The following DISC1 variants were observed in gnomAD, a reference collection of about 807,000 sequenced individuals.
The protein encoded by DISC1 is DISC1 scaffold protein, also known as disrupted in schizophrenia 1 protein.
A neutral mutation model predicts 84.5 loss-of-function variants in DISC1; 57 were observed. The observed-to-expected ratio is 0.67, with a 90% CI of 0.55 to 0.84. DISC1 has a LOEUF of 0.84. DISC1 is among the 40% of genes least tolerant of loss of function. The probability of loss-of-function intolerance (pLI) is 0.00; values close to 1 mark genes in which losing one functional copy is unlikely to be tolerated. For missense variants in DISC1, 1,000 were observed against 1,057.8 expected (o/e 0.95, Z 0.76); for synonymous variants, 411 against 415.2 (o/e 0.99, Z 0.12).
chr1:231,709,739 A>T (rs548506645), intron 3 of DISC1, among the ~76,000 whole-genome samples: 1 of 152,178 alleles, frequency 6.6e-6, no homozygotes, highest in Admixed American at 6.5e-5. Context: ...CTTGTACATG[A>T]TTTCCTACTA....
rs759724151 is a variant in DISC1, at chr1:231,756,343, TCTGA to T, written c.1268+6269_1268+6272del. Among the ~76,000 whole-genome samples, 40 of 152,354 alleles carry T rather than the reference TCTGA, an allele frequency of 2.6e-4. 1 individual carries two copies. The highest frequency in any genetic ancestry group is 1.7e-3 in the South Asian group (8 of 4,832). On this transcript the variant is annotated intron_variant, in intron 4 of 12. Coordinates refer to ENST00000439617, the MANE Select transcript of DISC1 (RefSeq NM_018662.3). ...TCTGTTTTCTTGAATATCTGTTTAC[TCTGA>T]CAGATGATAAGCTCCTTGAGGACAA...
At chr1:231,973,395 G>A (rs2102832127) in intron 10 of DISC1, among the ~76,000 whole-genome samples, 1 of 152,310 alleles carries the variant, frequency 6.6e-6, no homozygotes, top group African/African-American at 2.4e-5. Context: ...TTAGAAGATG[G>A]CTACAACCTC....
chr1:231,941,422 C>T (rs2091332484), intron 9 of DISC1, among the ~76,000 whole-genome samples: 2 of 151,858 alleles, frequency 1.3e-5, no homozygotes, highest in South Asian at 2.1e-4. Flanking sequence ...CATAGATAAT[C>T]CAACAAACGT....
At chr1:231,741,121 A>G (rs761329707) in intron 3 of DISC1, among the ~76,000 whole-genome samples, 1 of 152,236 alleles carries the variant, frequency 6.6e-6, no homozygotes, top group South Asian at 2.1e-4. Context: ...ACAGAGAGTA[A>G]TTCATCCTTG....
intron 3 of DISC1, among the ~76,000 whole-genome samples, chr1:231,718,453 T>G (rs80253861): frequency 2.3e-4 from 28 of 121,676 alleles, no homozygotes; most frequent in African/African-American, 7.9e-4. Context: ...TTTTTTTTTT[T>G]GAGTTGCAGT....
intron 6 of DISC1, among the ~76,000 whole-genome samples, chr1:231,779,507 G>T (rs2077211305): frequency 6.8e-6 from 1 of 146,376 alleles, no homozygotes; most frequent in Non-Finnish European, 1.5e-5. Context: ...CATAGCTCCT[G>T]CTATAACCTG....
intron 9 of DISC1, among the ~76,000 whole-genome samples, chr1:231,860,750 C>T (rs749151477): frequency 6.6e-6 from 1 of 152,072 alleles, no homozygotes; most frequent in African/African-American, 2.4e-5. Context: ...TTTTTGTTAT[C>T]TTTTTGCACT....
At chr1:231,807,103 T>C (rs1026649054) in intron 8 of DISC1, among the ~76,000 whole-genome samples, 1 of 152,356 alleles carries the variant, frequency 6.6e-6, no homozygotes, top group African/African-American at 2.4e-5. Flanking sequence ...TTCCCGTGTC[T>C]AAGACTTAGC....
intron 10 of DISC1, among the ~76,000 whole-genome samples, chr1:231,964,926 A>G (rs1309088062): frequency 1.3e-5 from 2 of 152,234 alleles, no homozygotes; most frequent in Non-Finnish European, 2.9e-5. Flanking sequence ...CTCCTTTTCC[A>G]TTAGAATGCT....
rs6674755 is a variant in DISC1, at chr1:231,823,814, C to T, written c.1981+5297C>T. On this transcript the variant is annotated intron_variant, in intron 9 of 12. Transcript: ENST00000439617. Reference sequence around the variant, plus strand: ...GAAAAAAACATGTTGGGGATCCCTTCAAAGCAGGAGGGACTGTGCACAGGA... The same window carrying T: ...GAAAAAAACATGTTGGGGATCCCTTTAAAGCAGGAGGGACTGTGCACAGGA... Among the ~76,000 whole-genome samples the T allele has an allele frequency of 5.0e-3, 764 of 152,102 alleles. 11 individuals are homozygous for T. Among genetic ancestry groups the T allele is most frequent in the African/African-American group, 0.018 (734 of 41,486 alleles).
At chr1:231,838,917 G>A (rs983839900) in intron 9 of DISC1, among the ~76,000 whole-genome samples, 1 of 152,212 alleles carries the variant, frequency 6.6e-6, no homozygotes, top group African/African-American at 2.4e-5. Flanking sequence ...ACTGGGGAGT[G>A]GAAGGGTGAC....
intron 9 of DISC1, among the ~76,000 whole-genome samples, chr1:231,922,921 A>G (rs140088070): frequency 6.6e-6 from 1 of 152,308 alleles, no homozygotes; most frequent in African/African-American, 2.4e-5. Flanking sequence ...CCAACTTGAG[A>G]AAATGCAATA....
chr1:231,918,173 C>G (rs553903373), intron 9 of DISC1, among the ~76,000 whole-genome samples: 5 of 152,342 alleles, frequency 3.3e-5, no homozygotes, highest in African/African-American at 1.2e-4. Flanking sequence ...GTCATTTTCC[C>G]TTTTCTCTCC....
Position 232,028,130 on chromosome 1 carries a change from G to A in DISC1, c.2425+1578G>A, listed in dbSNP as rs368348456. 2.9e-3 allele frequency among the ~76,000 whole-genome samples: 438 copies of A among 152,264 alleles called. 4 individuals are homozygous for A. Among genetic ancestry groups the A allele is most frequent in the African/African-American group, 9.2e-3 (382 of 41,544 alleles). ...CATACAAACATAGAATAAGGATGGCGTTTTTATTTATTCCATGTTCATGGG... is the reference window on the plus strand; with the variant it reads ...CATACAAACATAGAATAAGGATGGCATTTTTATTTATTCCATGTTCATGGG... On this transcript the variant is annotated intron_variant, in intron 12 of 12. Transcript: ENST00000439617.
At chr1:231,843,517 CT>C (rs1286787861) in intron 9 of DISC1, among the ~76,000 whole-genome samples, 1 of 152,172 alleles carries the variant, frequency 6.6e-6, no homozygotes, top group African/African-American at 2.4e-5. Context: ...CCACTCCACA[CT>C]GGGCACGAGG....
In DISC1 at chr1:231,962,962, T is replaced by C. The variant is rs2884006; in HGVS notation, c.2042+4074T>C. On this transcript the variant is annotated intron_variant, in intron 10 of 12. Coordinates refer to ENST00000439617, the MANE Select transcript of DISC1 (RefSeq NM_018662.3). The stretch of plus-strand genomic sequence containing the variant: ...ACAAGCCTGCCTACCTTTATCACAC[T>C]GACATTGTGGGCCCCTCTTCTGATC... Among the ~76,000 whole-genome samples, 183 of 152,290 alleles carry C rather than the reference T, an allele frequency of 1.2e-3. 1 individual carries two copies. Among genetic ancestry groups the C allele is most frequent in the African/African-American group, 4.2e-3 (173 of 41,568 alleles).
chr1:231,652,711 T>G (rs56066864), intron 1 of DISC1, among the ~76,000 whole-genome samples: 3,281 of 152,282 alleles, frequency 0.022, 123 homozygotes, highest in African/African-American at 0.075. Context: ...CCAACCTAAT[T>G]TTTTCCCACT....
intron 6 of DISC1, among the ~76,000 whole-genome samples, chr1:231,790,735 G>C (rs565487030): frequency 4.6e-5 from 7 of 152,106 alleles, no homozygotes; most frequent in Admixed American, 3.3e-4. Flanking sequence ...AGCCAGGATG[G>C]TCTCCATCTC....
intron 1 of DISC1, among the ~76,000 whole-genome samples, chr1:231,686,233 T>A (rs2064258766): frequency 6.6e-6 from 1 of 152,222 alleles, no homozygotes; most frequent in Non-Finnish European, 1.5e-5. Flanking sequence ...GGTACCCCAG[T>A]AGGGACTCTG....
Sources: gnomAD v4.1 joint callset for allele counts (sites outside exome capture counted in the v4.1 genomes callset) on GRCh38, gnomAD v4.1.1 for gene constraint, MANE v1.5 for transcripts, NCBI Gene and HGNC (gene_info 2026-07-23, HGNC 2026-07-21) for gene names.